The following SUN5 variants were observed in gnomAD, a reference collection of about 807,000 sequenced individuals.
SUN5 encodes the protein Sad1 and UNC84 domain containing 5.
In SUN5, 44 loss-of-function variants were observed where a neutral mutation model predicts 53.7. That is an observed-to-expected ratio of 0.82 (90% CI 0.64 to 1.05). The LOEUF (loss-of-function observed/expected upper bound fraction) is 1.05, where lower values mean the gene tolerates loss of function less well. SUN5 is among the 50% of genes least tolerant of loss of function. The pLI is 0.00. For missense variants in SUN5, 433 were observed against 483.8 expected, an observed-to-expected ratio of 0.90 and a Z score of 0.98; for synonymous variants, 166 against 179.8, an observed-to-expected ratio of 0.92 and a Z score of 0.62.
chr20:32,991,461 TCA>T (rs1190048907), intron 8 of SUN5, among the ~76,000 whole-genome samples: 1 of 152,100 alleles, frequency 6.6e-6, no homozygotes, highest in Non-Finnish European at 1.5e-5. Flanking sequence ...TTGACCAGAG[TCA>T]CACAGCTTAT....
At chr20:32,997,972 C>T (rs565323595) in intron 5 of SUN5, among the ~76,000 whole-genome samples, 4 of 152,216 alleles carry the variant, frequency 2.6e-5, no homozygotes, top group East Asian at 3.9e-4. Context: ...CTGGGGATAA[C>T]TGGCAAAGAG....
At chr20:32,996,893 C>T (rs1305615435) in intron 6 of SUN5, among the ~76,000 whole-genome samples, 1 of 152,208 alleles carries the variant, frequency 6.6e-6, no homozygotes, top group Admixed American at 6.5e-5. Context: ...TGCACACTCC[C>T]ATCTGGCCAT....
chr20:32,988,367 C>T (rs1297250932), intron 9 of SUN5, among the ~76,000 whole-genome samples: 2 of 152,214 alleles, frequency 1.3e-5, no homozygotes, highest in East Asian at 3.9e-4. Flanking sequence ...TAGGGGTTTG[C>T]GTTGGGGGCA....
chr20:32,983,936 C>T lies in SUN5; in HGVS notation c.998G>A (p.Arg333Gln), dbSNP rs761104852. ...CTTCACCTTGACCGCACTGAAAGCC[C>T]GGGCCGGCTGGTTCTGGAAGAGAAT... is the stretch of plus-strand genomic sequence containing the variant. ...QMFPLQNQPA[R>Q]AFSAVKVKIS... is the part of the protein sequence containing the mutation. The change falls in exon 13 of 13, where the codon CGG becomes CAG. Residue 333 changes from arginine to glutamine, a missense_variant. Transcript: ENST00000356173. The T allele has an allele frequency of 2.3e-5, 36 of 1,584,752 alleles. No homozygotes were observed. In the East Asian group the frequency reaches 4.1e-4, roughly 18 times the overall value.
At chr20:32,987,367 C>T (rs11699928) in intron 10 of SUN5, among the ~76,000 whole-genome samples, 22,396 of 152,030 alleles carry the variant, frequency 0.15, 3,246 homozygotes, top group African/African-American at 0.38. Flanking sequence ...TGGGGTCCCT[C>T]CCAATGCCAA....
At chr20:32,985,445 G>A (rs1472080649) in intron 11 of SUN5, among the ~76,000 whole-genome samples, 2 of 152,084 alleles carry the variant, frequency 1.3e-5, no homozygotes, top group Non-Finnish European at 2.9e-5. Flanking sequence ...TTATTTCACC[G>A]AGACAGTTCA....
chr20:33,004,220 T>C (rs1990126773), intron 1 of SUN5, 44 bp downstream of exon 1: 1 of 1,497,264 alleles, frequency 6.7e-7, no homozygotes, highest in South Asian at 1.3e-5. Context: ...CAGCATTTTG[T>C]AAACTGTAAA....
rs1989520415 is a variant in SUN5 at position 32,985,766 on chromosome 20, C to A, written c.867G>T (p.Leu289=). ...TGACGAAGTCCTTGGGGGCGGTGTC[C>A]AGGCTGCCTGACAATGAGATGGTCT... ...IPKTISLSGS[L]DTAPKDFVIY... Residue 289 remains leucine, a synonymous_variant, in exon 11 of 13, where the codon CTG becomes CTT. Transcript: ENST00000356173. 6.2e-7 allele frequency: 1 copy of A among 1,614,064 alleles called. No individual in the cohort carries two copies. The highest frequency in any genetic ancestry group is 8.5e-7 in the Non-Finnish European group (1 of 1,179,964).
Position 32,995,779 on chromosome 20 carries a change from G to T in SUN5, c.426-52C>A, listed in dbSNP as rs1989832340. 2.6e-6 allele frequency: 4 copies of T among 1,528,338 alleles called. No individual in the cohort carries two copies. The East Asian group carries it at 6.8e-5, about 26-fold the overall frequency. The allele number at this position is 1,528,338 out of a possible 1,614,324, so 94.7% of individuals were successfully genotyped here. On this transcript the variant is annotated intron_variant, in intron 7 of 12. Transcript: ENST00000356173. ...ACAGGTTGATTTGTGATGCGTTGTT[G>T]TTACCCTCAGATTTTCCCTTTGCTA...
rs925010505 is a variant in SUN5 at position 32,985,194 on chromosome 20, C to G, written c.898-9G>C. ...GGGGAGCCCTCCATGCCCTGTGGAA[C>G]CAGAACCAAGGTGAAGGCGTCAGAT... On this transcript the variant is annotated splice_polypyrimidine_tract_variant and intron_variant, in intron 11 of 12. Coordinates refer to ENST00000356173, the MANE Select transcript of SUN5 (RefSeq NM_080675.4). 30 of 1,613,536 alleles carry G rather than the reference C, an allele frequency of 1.9e-5. No homozygotes were observed. The highest frequency in any genetic ancestry group is 2.4e-5 in the Non-Finnish European group (28 of 1,179,770).
intron 10 of SUN5, among the ~76,000 whole-genome samples, chr20:32,986,155 C>T (rs893485033): frequency 3.3e-5 from 5 of 152,206 alleles, no homozygotes; most frequent in Non-Finnish European, 5.9e-5. Context: ...CCACTGGCAC[C>T]CATTCATTCA....
intron 5 of SUN5, 52 bp from the exon 6 acceptor site, chr20:32,997,739 C>G (rs440139): frequency 6.2e-7 from 1 of 1,604,616 alleles, no homozygotes; most frequent in Non-Finnish European, 8.5e-7. Context: ...AGATGAAGAG[C>G]CTAGGTGCTG....
At chr20:32,988,219 G>A (rs780072477) in intron 9 of SUN5, among the ~76,000 whole-genome samples, 11 of 152,154 alleles carry the variant, frequency 7.2e-5, no homozygotes, top group African/African-American at 2.2e-4. Context: ...GATGACGACC[G>A]ACACCCATTG....
chr20:32,984,982 G>T, intron 12 of SUN5, 117 bp downstream of exon 12: 1 of 1,063,722 alleles, frequency 9.4e-7, no homozygotes, highest in Non-Finnish European at 1.4e-6. Context: ...TGTCAAACAG[G>T]TTAGTCATGA....
intron 5 of SUN5, among the ~76,000 whole-genome samples, chr20:32,998,191 A>AAAAAAAT: frequency 6.6e-6 from 1 of 151,244 alleles, no homozygotes; most frequent in Non-Finnish European, 1.5e-5. Context: ...AAAAAAAAAA[A>AAAAAAAT]AAAAAAAATA....
intron 5 of SUN5, chr20:32,999,828 C>G: frequency 3.0e-6 from 4 of 1,343,464 alleles, no homozygotes; most frequent in Non-Finnish European, 3.0e-6. Flanking sequence ...CATGGAAACC[C>G]AGAAAGCGGA....
rs1428196327 is a variant in SUN5, at chr20:32,985,892, T to G, written c.741A>C (p.Thr247=). The part of the protein sequence containing the change: ...PPDVILEPNV[T]PGNCWAFEGD... ...CCTCAAAGGCCCAGCAATTGCCAGG[T>G]GTCACGTTGGGCTAGAAGAGGCAAG... The change falls in exon 11 of 13, where the codon ACA becomes ACC. Residue 247 remains threonine, a synonymous_variant. Transcript: ENST00000356173. 6.2e-7 allele frequency: 1 copy of G among 1,613,698 alleles called. No homozygotes were observed. The highest frequency in any genetic ancestry group is 1.3e-5 in the African/African-American group (1 of 74,888).
intron 5 of SUN5, among the ~76,000 whole-genome samples, chr20:32,998,222 T>A (rs1206992578): frequency 1.4e-5 from 2 of 145,778 alleles, no homozygotes; most frequent in African/African-American, 5.1e-5. Flanking sequence ...CCCGGTGTGG[T>A]GCACGTCTAT....
chr20:32,986,190 T>TTCATTCAC (rs1989535747), intron 10 of SUN5, among the ~76,000 whole-genome samples: 1 of 152,226 alleles, frequency 6.6e-6, no homozygotes, highest in African/African-American at 2.4e-5. Flanking sequence ...CACTCATTCA[T>TTCATTCAC]TCATTCACTC....
Sources: gnomAD v4.1 joint callset for allele counts (sites outside exome capture counted in the v4.1 genomes callset) on GRCh38, gnomAD v4.1.1 for gene constraint, MANE v1.5 for transcripts, NCBI Gene and HGNC (gene_info 2026-07-23, HGNC 2026-07-21) for gene names.